MCM3AP: variants seen among roughly 807,000 people sequenced by gnomAD.
MCM3AP encodes germinal-center associated nuclear protein.
A neutral mutation model predicts 184.1 loss-of-function variants in MCM3AP; 126 were observed. The ratio of observed to expected loss-of-function variants is 0.68; its 90% CI spans 0.59 to 0.79. The LOEUF is 0.79. Among genes scored for constraint, MCM3AP ranks in the 30% least tolerant of loss-of-function variants. The pLI is 0.00. For synonymous variants in MCM3AP, 1,002 were observed against 979.3 expected (o/e 1.02, Z -0.43); for missense variants, 2,496 against 2,479.2 (o/e 1.01, Z -0.14).
rs1218260846 is a variant in MCM3AP, at chr21:46,256,912, ACGCAGCAGGG to A, written c.3799_3808del (p.Pro1267TrpfsTer3). ...CGCCCTCAGCCGGTCGCTCACGTCC[ACGCAGCAGGG>A]CGCAGCAGGGAAAGCCCGCATTTGG... On this transcript the variant is annotated frameshift_variant, in exon 17 of 28. Coordinates refer to ENST00000291688, the MANE Select transcript of MCM3AP (RefSeq NM_003906.5). LOFTEE classifies it high-confidence loss of function. 14 of 1,610,716 alleles carry A rather than the reference ACGCAGCAGGG, an allele frequency of 8.7e-6. No homozygotes were observed. Among genetic ancestry groups the A allele is most frequent in the Admixed American group, 1.7e-5 (1 of 59,542 alleles).
rs748656270 is a variant in MCM3AP, at chr21:46,240,858, C to T, written c.5586G>A (p.Ala1862=). The T allele has an allele frequency of 1.2e-5, 19 of 1,614,086 alleles. 1 individual carries two copies. The highest frequency in any genetic ancestry group is 4.0e-5 in the African/African-American group (3 of 74,936). Residue 1862 remains alanine (A), a synonymous_variant, in exon 26 of 28, where the codon GCG becomes GCA. Coordinates refer to ENST00000291688, the MANE Select transcript of MCM3AP (RefSeq NM_003906.5). ...GCAGCAGACTGCTCGACAAACACTG[C>T]GCCAAGAGCTCCTCAGCAGAAGCTC... The part of the protein sequence containing the change: ...MRGASAEELL[A]QCLSSSLLLE...
chr21:46,246,730 G>A lies in MCM3AP; in HGVS notation c.4447C>T (p.Leu1483Phe). The change falls in exon 21 of 28, where the codon CTC becomes TTC. Residue 1483 changes from leucine to phenylalanine, a missense_variant. Physicochemically the swap from Leu to Phe is conservative, Grantham distance 22. Transcript: ENST00000291688. Reference protein sequence around the residue: ...DVYWLSALLQLKQLLQAKPFQ... With the variant: ...DVYWLSALLQFKQLLQAKPFQ... ...GGCTTAGCCTGCAGGAGCTGCTTGA[G>A]CTGCAGCAAGGCCGACAGCCAGTAC... The A allele has an allele frequency of 1.9e-6, 3 of 1,614,252 alleles. No homozygotes were observed. Among genetic ancestry groups the A allele is most frequent in the South Asian group, 1.1e-5 (1 of 91,086 alleles).
At chr21:46,282,632 G>GT (rs1301679434) in intron 2 of MCM3AP, among the ~76,000 whole-genome samples, 1 of 151,842 alleles carries the variant, frequency 6.6e-6, no homozygotes, top group Non-Finnish European at 1.5e-5. Flanking sequence ...GTGAAAGCCC[G>GT]TATCTACTAA....
In MCM3AP at chr21:46,258,986, T is replaced by G. The variant is rs764444616; in HGVS notation, c.3687A>C (p.Ala1229=). ...ACTGAAGCTCCTGGAGGGTCTCCTT[T>G]GCAGTCTGGAAGATTTCCTCCACGA... ...LFLVEEIFQT[A]KETLQELQCF... The change falls in exon 16 of 28, where the codon GCA becomes GCC. Residue 1229 remains alanine, a synonymous_variant. Coordinates refer to ENST00000291688, the MANE Select transcript of MCM3AP (RefSeq NM_003906.5). 6.2e-7 allele frequency: 1 copy of G among 1,614,126 alleles called. No homozygotes were observed.
Position 46,265,951 on chromosome 21 carries a change from G to C in MCM3AP, c.3005C>G (p.Thr1002Ser). The C allele has an allele frequency of 1.9e-6, 3 of 1,594,662 alleles. No individual in the cohort carries two copies. The highest frequency in any genetic ancestry group is 2.6e-6 in the Non-Finnish European group (3 of 1,168,010). ...ESLAAELPVS[T>S]QRPGSDTVGG... ...CACTGTGTCGGAGCCGGGTCTCTGG[G>C]TGCTGACGGGCAGCTCCGCGGCCAG... The change falls in exon 11 of 28, where the codon ACC (threonine) becomes AGC (serine). Residue 1002 changes from threonine to serine, a missense_variant. Physicochemically the swap from Thr to Ser is moderately conservative, Grantham distance 58. Around this residue, in one of 5 missense-constraint regions of MCM3AP, gnomAD observed 1,323 missense variants for 1,273.4 expected, o/e 1.04. Transcript: ENST00000291688.
chr21:46,249,543 A>G, intron 20 of MCM3AP: 1 of 444,678 alleles, frequency 2.2e-6, no homozygotes, highest in South Asian at 1.6e-5. Flanking sequence ...TATGAAGCAA[A>G]TGTCAGAATG....
In MCM3AP at chr21:46,242,823, T is replaced by G. The variant is rs2080691881; in HGVS notation, c.5405A>C (p.Glu1802Ala). The change falls in exon 25 of 28, where the codon GAG (glutamate) becomes GCG (alanine). Residue 1802 changes from glutamate (E) to alanine (A), a missense_variant. Around this residue, in one of 5 missense-constraint regions of MCM3AP, gnomAD observed 1,323 missense variants for 1,273.4 expected, o/e 1.04. Coordinates refer to ENST00000291688, the MANE Select transcript of MCM3AP (RefSeq NM_003906.5). ...TCACCGTCCCTCTCTCAGCTGTAGC[T>G]CCTTCTGCGTCTGCAACCTGGCTTG... The part of the protein sequence containing the change: ...WEQARLQTQK[E>A]LQLREGRLAI... 10 of 1,611,726 alleles carry G rather than the reference T, an allele frequency of 6.2e-6. No individual in the cohort carries two copies. Among genetic ancestry groups the G allele is most frequent in the Non-Finnish European group, 7.6e-6 (9 of 1,179,288 alleles).
At chr21:46,277,192 A>T (rs906405206) in intron 5 of MCM3AP, among the ~76,000 whole-genome samples, 3 of 152,216 alleles carry the variant, frequency 2.0e-5, no homozygotes, top group Non-Finnish European at 2.9e-5. Context: ...TCAACATTGT[A>T]ACAGTGTAAG....
At chr21:46,272,215 C>T (rs144865912) in intron 8 of MCM3AP, among the ~76,000 whole-genome samples, 1 of 152,334 alleles carries the variant, frequency 6.6e-6, no homozygotes, top group Admixed American at 6.5e-5. Flanking sequence ...CAGGGAACTG[C>T]TAACAACCTT....
rs1405304260 is a variant in MCM3AP at position 46,257,446 on chromosome 21, G to C, written c.3735-460C>G. 9.2e-4 allele frequency among the ~76,000 whole-genome samples: 108 copies of C among 117,752 alleles called. 1 individual carries two copies. Among genetic ancestry groups the C allele is most frequent in the African/African-American group, 3.7e-3 (106 of 28,562 alleles). The allele number at this position is 117,752 out of a possible 152,430, so 77.2% of individuals were successfully genotyped here. ...GCCGAGATCACACCACTGCACTCCA[G>C]GCTGTGTGTACCAGCAAGGCTCCGT... On this transcript the variant is annotated intron_variant, in intron 16 of 27. Coordinates refer to ENST00000291688, the MANE Select transcript of MCM3AP (RefSeq NM_003906.5).
At chr21:46,278,163 CG>C (rs1256881913) in intron 4 of MCM3AP, among the ~76,000 whole-genome samples, 2 of 114,384 alleles carry the variant, frequency 1.7e-5, no homozygotes, top group African/African-American at 6.2e-5. Flanking sequence ...TACCACCCCC[CG>C]AAAAAAAAAA....
At chr21:46,261,559 C>T in intron 13 of MCM3AP, 148 bp from the exon 14 acceptor site, 1 of 673,566 alleles carries the variant, frequency 1.5e-6, no homozygotes, top group South Asian at 1.7e-5. Flanking sequence ...ACAGTGAAAC[C>T]CCATCTCTAC....
Position 46,266,962 on chromosome 21 carries a change from G to A in MCM3AP, c.2789+20C>T. ...GAAAAAAGGAGACAGGGGCCCCACA[G>A]TTCCATTCTCAGCTCTTACCCGTCG... On this transcript the variant is annotated intron_variant, in intron 10 of 27. Transcript: ENST00000291688. The A allele has an allele frequency of 6.2e-7, 1 of 1,613,756 alleles. No individual in the cohort carries two copies. Among genetic ancestry groups the A allele is most frequent in the Non-Finnish European group, 8.5e-7 (1 of 1,179,884 alleles).
Position 46,246,332 on chromosome 21 carries a change from A to C in MCM3AP, c.4622T>G (p.Ile1541Ser). 6.2e-7 allele frequency: 1 copy of C among 1,610,498 alleles called. No individual in the cohort carries two copies. Among genetic ancestry groups the C allele is most frequent in the Non-Finnish European group, 8.5e-7 (1 of 1,176,600 alleles). ...DYTVTEIPDT[I>S]NDLQGSTKVL... ...CTTAGTTGAACCTTGTAGATCATTAATGGTATCAGGGATCTCGGTAACAGT... is the reference window on the plus strand; with the variant it reads ...CTTAGTTGAACCTTGTAGATCATTACTGGTATCAGGGATCTCGGTAACAGT... The change falls in exon 22 of 28, where the codon ATT (isoleucine) becomes AGT (serine). Residue 1541 changes from isoleucine (I) to serine (S), a missense_variant. Physicochemically the swap from Ile to Ser is moderately radical, Grantham distance 142. Transcript: ENST00000291688.
chr21:46,284,474 C>T lies in MCM3AP; in HGVS notation c.813G>A (p.Arg271=). 6.2e-7 allele frequency: 1 copy of T among 1,614,176 alleles called. No homozygotes were observed. Among genetic ancestry groups the T allele is most frequent in the South Asian group, 1.1e-5 (1 of 91,088 alleles). ...GGGAAACAGCTTCTTCACACCCCTG[C>T]CTGACACCTGCTTTGCTAGCCTGGA... ...EPFQASKAGV[R]QGCEEAVSQV... Residue 271 remains arginine, a synonymous_variant, in exon 1 of 28, where the codon AGG becomes AGA. Coordinates refer to ENST00000291688, the MANE Select transcript of MCM3AP (RefSeq NM_003906.5).
In MCM3AP at chr21:46,280,548, C is replaced by G; in HGVS notation, c.1471G>C (p.Gly491Arg). 1 of 1,612,992 alleles carries G rather than the reference C, an allele frequency of 6.2e-7. No homozygotes were observed. Among genetic ancestry groups the G allele is most frequent in the Non-Finnish European group, 8.5e-7 (1 of 1,179,226 alleles). Reference sequence around the variant, plus strand: ...GCCATGTCTTTATGCAAACTTTTCCCCTTCTTTCTAGCCAGGGCTGCAGAT... The same window carrying G: ...GCCATGTCTTTATGCAAACTTTTCCGCTTCTTTCTAGCCAGGGCTGCAGAT... ...HASAALARKK[G>R]KSLHKDMAIF... The change falls in exon 3 of 28, where the codon GGG becomes CGG. Residue 491 changes from glycine (G) to arginine (R), a missense_variant. By Grantham distance (125) the Gly-to-Arg change is moderately radical. This residue lies in a region of MCM3AP where 800 missense variants were observed against 717.1 expected (regional missense o/e 1.12). Coordinates refer to ENST00000291688, the MANE Select transcript of MCM3AP (RefSeq NM_003906.5).
Position 46,246,322 on chromosome 21 carries a change from T to C in MCM3AP, c.4632A>G (p.Leu1544=), listed in dbSNP as rs1328046837. 2 of 1,606,272 alleles carry C rather than the reference T, an allele frequency of 1.2e-6. No homozygotes were observed. Among genetic ancestry groups the C allele is most frequent in the Non-Finnish European group, 1.7e-6 (2 of 1,172,850 alleles). ...GAAACCTTACCTTAGTTGAACCTTG[T>C]AGATCATTAATGGTATCAGGGATCT... ...VTEIPDTIND[L]QGSTKVLQAV... Residue 1544 remains leucine (L), a synonymous_variant, in exon 22 of 28, where the codon CTA becomes CTG. Transcript: ENST00000291688.
At chr21:46,265,583 G>A (rs2081100758) in intron 11 of MCM3AP, 60 bp from the exon 12 acceptor site, 8 of 1,388,816 alleles carry the variant, frequency 5.8e-6, no homozygotes, top group Non-Finnish European at 6.8e-6. Context: ...GGCACCACGG[G>A]GACCGAGGTC....
Position 46,272,798 on chromosome 21 carries a change from AG to A in MCM3AP, c.2227del (p.Leu743Ter). 6.2e-7 allele frequency: 1 copy of A among 1,607,096 alleles called. No homozygotes were observed. The highest frequency in any genetic ancestry group is 8.5e-7 in the Non-Finnish European group (1 of 1,175,636). On this transcript the variant is annotated frameshift_variant, in exon 8 of 28. Transcript: ENST00000291688. LOFTEE classifies it high-confidence loss of function. ...GCACTTCTCAATCAGGGACACCGTCAGGGGGTCACAGAGGTGCTGCTGCGTG... is the reference window on the plus strand; with the variant it reads ...GCACTTCTCAATCAGGGACACCGTCAGGGGTCACAGAGGTGCTGCTGCGTG... ...DITQQHLCDPLTVSLIEKCTR... is the reference protein window; with the variant it reads ...DITQQHLCDPXTVSLIEKCTR...
Sources: gnomAD v4.1 joint callset for allele counts (sites outside exome capture counted in the v4.1 genomes callset) on GRCh38, gnomAD v4.1.1 for gene constraint, gnomAD v4.1.1 regional missense constraint, MANE v1.5 for transcripts, NCBI Gene and HGNC (gene_info 2026-07-23, HGNC 2026-07-21) for gene names.